Variants in PLEKHG4B observed in about 807,000 individuals in gnomAD.
The protein encoded by PLEKHG4B is pleckstrin homology and RhoGEF domain containing G4B, also known as pleckstrin homology domain-containing family G member 4B.
A neutral mutation model predicts 121.3 loss-of-function variants in PLEKHG4B; 111 were observed. The observed-to-expected ratio is 0.92, with a 90% CI of 0.78 to 1.07. The LOEUF is 1.07. Among genes scored for constraint, PLEKHG4B ranks in the 50% least tolerant of loss-of-function variants. The pLI, the probability that PLEKHG4B is intolerant of heterozygous loss-of-function variation, is 0.00. For missense variants in PLEKHG4B, 1,831 were observed against 1,757.8 expected (o/e 1.04, Z -0.74); for synonymous variants, 738 against 725.0 (o/e 1.02, Z -0.29).
intron 2 of PLEKHG4B, among the ~76,000 whole-genome samples, chr5:124,647 G>GGT (rs1382630470): frequency 6.6e-6 from 1 of 152,066 alleles, no homozygotes; most frequent in Non-Finnish European, 1.5e-5. Flanking sequence ...GGTTCTTCAT[G>GGT]GTATCTGGTA....
Position 161,910 on chromosome 5 carries a change from C to T in PLEKHG4B, c.2615C>T (p.Ala872Val), listed in dbSNP as rs370764339. 1.5e-5 allele frequency: 24 copies of T among 1,612,918 alleles called. No homozygotes were observed. The highest frequency in any genetic ancestry group is 2.7e-5 in the African/African-American group (2 of 74,902). ...GCTGAGTGCAGGGAGGGAGAGCTGG[C>T]CAGGTGGACCCGCTCGTCCGAGTTG... is the stretch of plus-strand genomic sequence containing the variant. The part of the protein sequence containing the change: ...SQAECREGEL[A>V]RWTRSSELCE... The change falls in exon 12 of 20, where the codon GCC (alanine) becomes GTC (valine). Residue 872 changes from alanine to valine, a missense_variant. Coordinates refer to ENST00000637938, the MANE Select transcript of PLEKHG4B (RefSeq NM_052909.5).
intron 2 of PLEKHG4B, among the ~76,000 whole-genome samples, chr5:133,825 GCA>G (rs1474394029): frequency 1.3e-5 from 2 of 151,126 alleles, no homozygotes; most frequent in African/African-American, 4.9e-5. Flanking sequence ...AAAGACACTT[GCA>G]CACACGTTTA....
chr5:118,760 C>T (rs1209041318), intron 2 of PLEKHG4B, among the ~76,000 whole-genome samples: 1 of 151,914 alleles, frequency 6.6e-6, no homozygotes, highest in Non-Finnish European at 1.5e-5. Flanking sequence ...AGTATAATTT[C>T]ATTTGCTCCC....
In PLEKHG4B at chr5:156,124, A is replaced by C; in HGVS notation, c.2262A>C (p.Glu754Asp). ...AGACGATGATGAAGCTTGTCCTGGAAGACCCACTGCTTGTGTCTCTCAGGC... is the reference window on the plus strand; with the variant it reads ...AGACGATGATGAAGCTTGTCCTGGACGACCCACTGCTTGTGTCTCTCAGGC... ...QHETMMKLVL[E>D]DPLLVSLRLE... The change falls in exon 10 of 20, where the codon GAA (glutamate) becomes GAC (aspartate). Residue 754 changes from glutamate (E) to aspartate (D), a missense_variant. By Grantham distance (45) the Glu-to-Asp change is conservative. Coordinates refer to ENST00000637938, the MANE Select transcript of PLEKHG4B (RefSeq NM_052909.5). The surrounding 1 kb of genome is among the most constrained non-coding windows in gnomAD (Gnocchi z 4.4). 6.2e-7 allele frequency: 1 copy of C among 1,600,450 alleles called. No homozygotes were observed. The highest frequency in any genetic ancestry group is 1.1e-5 in the South Asian group (1 of 89,210).
chr5:165,168 G>A (rs1372540252), intron 13 of PLEKHG4B, among the ~76,000 whole-genome samples: 3 of 82,292 alleles, frequency 3.6e-5, no homozygotes, highest in Admixed American at 3.3e-4. Context: ...ATGCTCTGAC[G>A]GGGCGGGGCT....
chr5:163,609 C>T, intron 13 of PLEKHG4B, 61 bp downstream of exon 13: 5 of 1,344,032 alleles, frequency 3.7e-6, no homozygotes, highest in Non-Finnish European at 5.0e-6. Context: ...AAACCCAAAG[C>T]CATTTAGGCA....
At chr5:142,985 G>A (rs2126404654) in intron 3 of PLEKHG4B, 62 bp from the exon 4 acceptor site, 4 of 1,475,616 alleles carry the variant, frequency 2.7e-6, no homozygotes, top group Non-Finnish European at 3.8e-6. Context: ...GCTGAGCATA[G>A]CAGCTGCTTT....
intron 1 of PLEKHG4B, among the ~76,000 whole-genome samples, chr5:98,561 A>G (rs1273663514): frequency 1.4e-5 from 2 of 145,632 alleles, no homozygotes; most frequent in South Asian, 2.2e-4. Context: ...CAGCCTCCCA[A>G]GTAGCTGGGA....
In PLEKHG4B at chr5:186,941, CACCA is replaced by C. The variant is rs1488078272; in HGVS notation, c.*4619_*4622del. On this transcript the variant is annotated 3_prime_UTR_variant, in exon 20 of 20. Coordinates refer to ENST00000637938, the MANE Select transcript of PLEKHG4B (RefSeq NM_052909.5). ...GACCCCCAGGAAGGGTGTGTGGCCC[CACCA>C]TCCTGAATGCTCAGGGCTGGTGGTC... 2 of 152,458 alleles carry C rather than the reference CACCA, an allele frequency of 1.3e-5. No homozygotes were observed. The highest frequency in any genetic ancestry group is 2.9e-5 in the Non-Finnish European group (2 of 68,242). The allele number at this position is 152,458 out of a possible 1,614,324, so 9.4% of individuals were successfully genotyped here. A position where few individuals can be genotyped will look rare whatever the true frequency, so the allele number is the denominator to read the frequency against.
intron 2 of PLEKHG4B, among the ~76,000 whole-genome samples, chr5:116,600 G>A (rs1049347956): frequency 2.0e-5 from 3 of 152,324 alleles, no homozygotes; most frequent in African/African-American, 7.2e-5. Context: ...TCTTGAGGCC[G>A]GGGTAAAACT....
At chr5:145,264 G>T (rs1055545495) in intron 6 of PLEKHG4B, among the ~76,000 whole-genome samples, 4 of 152,216 alleles carry the variant, frequency 2.6e-5, no homozygotes, top group African/African-American at 9.6e-5. Flanking sequence ...CCCCATCCCT[G>T]CCCAGTGCAG....
At chr5:166,928 C>A (rs1020037504) in intron 13 of PLEKHG4B, among the ~76,000 whole-genome samples, 4 of 152,164 alleles carry the variant, frequency 2.6e-5, no homozygotes, top group South Asian at 2.1e-4. Context: ...TGAGCCCTTC[C>A]GAATCCGTAA....
intron 2 of PLEKHG4B, among the ~76,000 whole-genome samples, chr5:127,164 C>G (rs911775937): frequency 5.9e-5 from 9 of 152,052 alleles, no homozygotes; most frequent in African/African-American, 2.2e-4. Flanking sequence ...GTATGAGCTT[C>G]CAGCTTGCTT....
At chr5:142,299 C>G (rs1408302535) in intron 3 of PLEKHG4B, among the ~76,000 whole-genome samples, 2 of 152,186 alleles carry the variant, frequency 1.3e-5, no homozygotes, top group Non-Finnish European at 2.9e-5. Flanking sequence ...CAGCACCCCT[C>G]GCAGTCACAC....
intron 1 of PLEKHG4B, among the ~76,000 whole-genome samples, chr5:102,979 T>C (rs546708910): frequency 2.8e-4 from 43 of 152,264 alleles, no homozygotes; most frequent in African/African-American, 9.6e-4. Flanking sequence ...TGCTAGCACA[T>C]CTGGCTGAGG....
At chr5:164,637 A>C (rs1736201605) in intron 13 of PLEKHG4B, among the ~76,000 whole-genome samples, 1 of 136,340 alleles carries the variant, frequency 7.3e-6, no homozygotes. Flanking sequence ...AGCGGAGCTC[A>C]CACTAATGCT....
chr5:163,428 C>T lies in PLEKHG4B; in HGVS notation c.3356C>T (p.Thr1119Ile), dbSNP rs752364270. The T allele has an allele frequency of 6.2e-7, 1 of 1,613,036 alleles. No homozygotes were observed. Among genetic ancestry groups the T allele is most frequent in the Admixed American group, 1.7e-5 (1 of 60,032 alleles). The change falls in exon 13 of 20, where the codon ACA becomes ATA. Residue 1119 changes from threonine to isoleucine, a missense_variant. By Grantham distance (89) the Thr-to-Ile change is moderately conservative. Coordinates refer to ENST00000637938, the MANE Select transcript of PLEKHG4B (RefSeq NM_052909.5). ...KGLEVTSTVATEKKLPLWQHA... is the reference protein window; with the variant it reads ...KGLEVTSTVAIEKKLPLWQHA... ...CTGGAGGTAACCAGCACTGTAGCCA[C>T]AGAGAAGAAGCTCCCGCTGTGGCAG... is the stretch of plus-strand genomic sequence containing the variant.
chr5:144,669 C>G (rs1735344053), intron 5 of PLEKHG4B, among the ~76,000 whole-genome samples, 158 bp from the exon 6 acceptor site: 1 of 152,206 alleles, frequency 6.6e-6, no homozygotes, highest in East Asian at 1.9e-4. Context: ...GCCGATGGGC[C>G]TGCACCTTCG....
At chr5:163,658 A>G in intron 13 of PLEKHG4B, 110 bp downstream of exon 13, 1 of 901,964 alleles carries the variant, frequency 1.1e-6, no homozygotes. Context: ...AAATCCGCAG[A>G]CATCCCTCTG....
Sources: gnomAD v4.1 joint callset for allele counts (sites outside exome capture counted in the v4.1 genomes callset) on GRCh38, gnomAD v4.1.1 for gene constraint, Gnocchi (gnomAD v3.1) non-coding constraint, MANE v1.5 for transcripts, NCBI Gene and HGNC (gene_info 2026-07-23, HGNC 2026-07-21) for gene names.